COL22A1: variants seen among roughly 807,000 people sequenced by gnomAD.
COL22A1 encodes the protein collagen type XXII alpha 1 chain, also known as collagen alpha-1(XXII) chain.
A neutral mutation model predicts 248.9 loss-of-function variants in COL22A1; 221 were observed. The observed-to-expected ratio is 0.89, with a 90% CI of 0.80 to 0.99. COL22A1 has a LOEUF of 0.99. Among genes scored for constraint, COL22A1 ranks in the 50% least tolerant of loss-of-function variants. COL22A1 has a pLI of 0.00. For missense variants in COL22A1, 2,240 were observed against 2,179.0 expected (o/e 1.03, Z -0.56); for synonymous variants, 891 against 793.4 (o/e 1.12, Z -2.07).
At chr8:138,614,037 T>C in intron 55 of COL22A1, 117 bp from the exon 56 acceptor site, 1 of 787,318 alleles carries the variant, frequency 1.3e-6, no homozygotes, top group Non-Finnish European at 2.2e-6. Context: ...CAACAAATTG[T>C]CCAGCATGTT....
chr8:138,860,502 A>C (rs970602375), intron 3 of COL22A1, among the ~76,000 whole-genome samples: 1 of 152,224 alleles, frequency 6.6e-6, no homozygotes, highest in Non-Finnish European at 1.5e-5. Flanking sequence ...AAAGCCACCA[A>C]CAATACAATG....
At chr8:138,591,624 C>T in intron 63 of COL22A1, 123 bp from the exon 64 acceptor site, 1 of 597,276 alleles carries the variant, frequency 1.7e-6, no homozygotes, top group East Asian at 3.4e-5. Context: ...GTCTAAACCA[C>T]CCTGAGCACA....
intron 45 of COL22A1, among the ~76,000 whole-genome samples, chr8:138,652,391 T>C (rs1188545145): frequency 6.6e-6 from 1 of 152,196 alleles, no homozygotes; most frequent in African/African-American, 2.4e-5. Context: ...GCATAGTGAC[T>C]TTTAGCTGCT....
chr8:138,717,170 C>T lies in COL22A1; in HGVS notation c.2356-301G>A, dbSNP rs36058253. 7.4e-3 allele frequency among the ~76,000 whole-genome samples: 1,127 copies of T among 151,838 alleles called. 8 individuals carry two copies. The highest frequency in any genetic ancestry group is 0.017 in the Middle Eastern group (5 of 292). On this transcript the variant is annotated intron_variant, in intron 27 of 64. Transcript: ENST00000303045. ...TTTTTATTTTTTATTTTTTTTGAGACGGAGTCTCACTCAGTCACTCAGGCT... is the reference window on the plus strand; with the variant it reads ...TTTTTATTTTTTATTTTTTTTGAGATGGAGTCTCACTCAGTCACTCAGGCT...
chr8:138,735,917 G>A (rs545094267), intron 23 of COL22A1, among the ~76,000 whole-genome samples: 12 of 152,248 alleles, frequency 7.9e-5, no homozygotes, highest in East Asian at 3.9e-4. Context: ...CCGCCACCCC[G>A]GGGAATCTGG....
At chr8:138,844,269 T>C in intron 3 of COL22A1, 111 bp from the exon 4 acceptor site, 3 of 927,464 alleles carry the variant, frequency 3.2e-6, no homozygotes, top group Middle Eastern at 2.8e-4. Flanking sequence ...TGTGAGGTGT[T>C]CAATGCCTGG....
chr8:138,775,892 A>G, intron 16 of COL22A1, 74 bp downstream of exon 16: 1 of 1,361,674 alleles, frequency 7.3e-7, no homozygotes. Flanking sequence ...GCATACACAG[A>G]GCAGATGGTT....
chr8:138,615,536 A>G (rs1819242980), intron 55 of COL22A1, among the ~76,000 whole-genome samples: 1 of 151,826 alleles, frequency 6.6e-6, no homozygotes. Context: ...ATCTCAAAAA[A>G]AAAAAAAAAA....
chr8:138,692,463 ATGTGTGTG>A (rs145298366), intron 35 of COL22A1, among the ~76,000 whole-genome samples: 1,955 of 135,994 alleles, frequency 0.014, 27 homozygotes, highest in South Asian at 0.023. Context: ...GTGTGAGTGC[ATGTGTGTG>A]TGTGTGTGTG....
At chr8:138,707,650 C>A (rs1224446181) in intron 30 of COL22A1, among the ~76,000 whole-genome samples, 2 of 152,118 alleles carry the variant, frequency 1.3e-5, no homozygotes, top group Admixed American at 1.3e-4. Flanking sequence ...ATAATAAGAG[C>A]TATTTATGAC....
intron 33 of COL22A1, 40 bp downstream of exon 33, chr8:138,694,786 G>A (rs1404951236): frequency 1.2e-6 from 2 of 1,608,274 alleles, no homozygotes; most frequent in East Asian, 2.2e-5. Flanking sequence ...GGGTCTCCAG[G>A]TAACCAGCCC....
intron 12 of COL22A1, among the ~76,000 whole-genome samples, chr8:138,796,389 CTTTTT>C (rs11284610): frequency 2.3e-4 from 6 of 26,312 alleles, no homozygotes; most frequent in African/African-American, 8.0e-4. Flanking sequence ...TGCTACTTTC[CTTTTT>C]TTTTTTTTTT....
At chr8:138,598,621 G>A in intron 61 of COL22A1, 98 bp downstream of exon 61, 1 of 1,177,474 alleles carries the variant, frequency 8.5e-7, no homozygotes, top group Non-Finnish European at 1.2e-6. Context: ...CTAGAAGACT[G>A]GGATCTGTAA....
intron 50 of COL22A1, among the ~76,000 whole-genome samples, chr8:138,629,001 T>C (rs1209573410): frequency 1.2e-5 from 1 of 80,080 alleles, no homozygotes; most frequent in Non-Finnish European, 2.3e-5. Flanking sequence ...CCTCAAGTGT[T>C]CCTCCTGCCT....
intron 12 of COL22A1, among the ~76,000 whole-genome samples, chr8:138,793,912 G>A (rs1816274624): frequency 6.6e-6 from 1 of 152,184 alleles, no homozygotes; most frequent in South Asian, 2.1e-4. Context: ...GGTCCCAGAG[G>A]AACATGGGAA....
At chr8:138,699,986 C>T in intron 32 of COL22A1, 126 bp downstream of exon 32, 1 of 876,118 alleles carries the variant, frequency 1.1e-6, no homozygotes, top group South Asian at 1.5e-5. Flanking sequence ...CAGCCCAGAT[C>T]CCTGACAGTG....
intron 22 of COL22A1, 99 bp from the exon 23 acceptor site, chr8:138,737,676 C>A (rs1157850160): frequency 1.3e-6 from 1 of 753,224 alleles, no homozygotes; most frequent in South Asian, 1.6e-5. Flanking sequence ...CTTTATTACT[C>A]TCAACCTCCC....
intron 41 of COL22A1, among the ~76,000 whole-genome samples, chr8:138,665,467 AGCCTCCTCT>A (rs1824420603): frequency 6.6e-6 from 1 of 152,248 alleles, no homozygotes; most frequent in African/African-American, 2.4e-5. Context: ...TGATGAAGGA[AGCCTCCTCT>A]GAGAACTCAC....
At chr8:138,646,597 A>G in intron 47 of COL22A1, 32 bp downstream of exon 47, 1 of 1,526,320 alleles carries the variant, frequency 6.6e-7, no homozygotes, top group Non-Finnish European at 8.9e-7. Context: ...AGCAGAATAG[A>G]TCCATGCAGA....
Sources: gnomAD v4.1 joint callset for allele counts (sites outside exome capture counted in the v4.1 genomes callset) on GRCh38, gnomAD v4.1.1 for gene constraint, MANE v1.5 for transcripts, NCBI Gene and HGNC (gene_info 2026-07-23, HGNC 2026-07-21) for gene names.